Variants in CENPP observed in about 807,000 individuals in gnomAD.
The protein encoded by CENPP is centromere protein P.
CENPP carries 24 observed loss-of-function variants against 35.6 expected under a neutral mutation model. The observed-to-expected ratio is 0.67, with a 90% CI of 0.49 to 0.95. The LOEUF (loss-of-function observed/expected upper bound fraction) is 0.95. CENPP is among the 40% of genes least tolerant of loss of function. The pLI is 0.00. For missense variants in CENPP, 332 were observed against 345.3 expected (o/e 0.96, Z 0.31); for synonymous variants, 120 against 125.5 (o/e 0.96, Z 0.29).
chr9:92,379,678 A>T, intron 4 of CENPP, 85 bp from the exon 5 acceptor site: 4 of 1,049,598 alleles, frequency 3.8e-6, no homozygotes, highest in Non-Finnish European at 4.3e-6. Flanking sequence ...TTAGTGTAGG[A>T]TACATGAAAA....
intron 5 of CENPP, chr9:92,515,123 T>C: frequency 1.9e-6 from 3 of 1,613,734 alleles, no homozygotes; most frequent in Non-Finnish European, 2.5e-6. Flanking sequence ...AGTAAATTGG[T>C]AGGTTCTCTT....
intron 5 of CENPP, among the ~76,000 whole-genome samples, chr9:92,601,836 G>T (rs1029797688): frequency 6.6e-6 from 1 of 152,192 alleles, no homozygotes; most frequent in Non-Finnish European, 1.5e-5. Context: ...GGGAGAGCTC[G>T]TGCCTGCGTG....
chr9:92,337,328 A>G (rs1840962396), intron 2 of CENPP, among the ~76,000 whole-genome samples: 1 of 152,222 alleles, frequency 6.6e-6, no homozygotes, highest in Admixed American at 6.5e-5. Flanking sequence ...GGAAAAAAAA[A>G]AAAGAAAACT....
At chr9:92,587,479 G>A (rs185106530) in intron 5 of CENPP, among the ~76,000 whole-genome samples, 1 of 139,666 alleles carries the variant, frequency 7.2e-6, no homozygotes, top group East Asian at 2.1e-4. Flanking sequence ...TCAAAAAAAA[G>A]GGGGGGGACC....
At chr9:92,335,957 C>T (rs2130785557) in intron 2 of CENPP, among the ~76,000 whole-genome samples, 1 of 152,294 alleles carries the variant, frequency 6.6e-6, no homozygotes. Context: ...ATTGAATGTA[C>T]TGATCAAAGT....
intron 4 of CENPP, among the ~76,000 whole-genome samples, chr9:92,356,958 G>A (rs1302327493): frequency 6.6e-6 from 1 of 152,160 alleles, no homozygotes; most frequent in Non-Finnish European, 1.5e-5. Flanking sequence ...ATATTTATAT[G>A]TTGTGCACCC....
At chr9:92,470,201 A>G (rs898445339) in intron 5 of CENPP, among the ~76,000 whole-genome samples, 2 of 152,240 alleles carry the variant, frequency 1.3e-5, no homozygotes, top group African/African-American at 4.8e-5. Context: ...CAGTAAAGAA[A>G]AAATTCTTTT....
At chr9:92,517,844 T>C in intron 5 of CENPP, 1 of 1,614,188 alleles carries the variant, frequency 6.2e-7, no homozygotes, top group Non-Finnish European at 8.5e-7. Flanking sequence ...TGTACATGGT[T>C]ATGCCCTTTA....
intron 5 of CENPP, among the ~76,000 whole-genome samples, chr9:92,426,861 A>C (rs1021808465): frequency 6.6e-6 from 1 of 152,336 alleles, no homozygotes; most frequent in African/African-American, 2.4e-5. Flanking sequence ...CACATAGTAC[A>C]CACATAGACC....
At chr9:92,401,065 T>C in intron 5 of CENPP, 1 of 1,069,016 alleles carries the variant, frequency 9.4e-7, no homozygotes, top group Middle Eastern at 2.7e-4. Context: ...AAAAGATCCA[T>C]TTGAAAAATA....
chr9:92,452,665 G>C (rs1844747474), intron 5 of CENPP, among the ~76,000 whole-genome samples: 1 of 152,112 alleles, frequency 6.6e-6, no homozygotes, highest in Non-Finnish European at 1.5e-5. Context: ...AATAGTTTCA[G>C]AAGGAATGGT....
chr9:92,567,376 A>ATC (rs1850006953), intron 5 of CENPP, among the ~76,000 whole-genome samples: 1 of 83,518 alleles, frequency 1.2e-5, no homozygotes, highest in African/African-American at 7.3e-5. Flanking sequence ...TAAGATAGAT[A>ATC]TATATATATA....
intron 5 of CENPP, among the ~76,000 whole-genome samples, chr9:92,541,673 T>G (rs1849323186): frequency 6.6e-6 from 1 of 152,056 alleles, no homozygotes; most frequent in African/African-American, 2.4e-5. Context: ...TCCTTTCATA[T>G]ATACATTTTC....
At chr9:92,374,549 T>C (rs1408798120) in intron 4 of CENPP, among the ~76,000 whole-genome samples, 1 of 152,234 alleles carries the variant, frequency 6.6e-6, no homozygotes, top group Non-Finnish European at 1.5e-5. Flanking sequence ...AAATTAATAC[T>C]AAACTAGATT....
chr9:92,498,152 G>C (rs1846463958), intron 5 of CENPP, among the ~76,000 whole-genome samples: 1 of 152,232 alleles, frequency 6.6e-6, no homozygotes, highest in Non-Finnish European at 1.5e-5. Flanking sequence ...CTGCCCTTTT[G>C]TGTAATAATT....
chr9:92,560,759 A>G (rs970828964), intron 5 of CENPP, among the ~76,000 whole-genome samples: 1 of 151,528 alleles, frequency 6.6e-6, no homozygotes. Flanking sequence ...TTTATTCCTT[A>G]TTCTTATTCT....
At chr9:92,368,263 A>G (rs1201842337) in intron 4 of CENPP, among the ~76,000 whole-genome samples, 1 of 152,226 alleles carries the variant, frequency 6.6e-6, no homozygotes. Context: ...ATTATTTAAA[A>G]TATTGTATAA....
At chr9:92,515,159 C>A (rs964965019) in intron 5 of CENPP, 4 of 1,608,650 alleles carry the variant, frequency 2.5e-6, no homozygotes, top group Non-Finnish European at 2.5e-6. Flanking sequence ...CCAGAAAATT[C>A]ATTTCTATCA....
Position 92,335,915 on chromosome 9 carries a change from A to G in CENPP, c.290-1626A>G, listed in dbSNP as rs548469608. 3.9e-5 allele frequency among the ~76,000 whole-genome samples: 6 copies of G among 152,336 alleles called. No homozygotes were observed. The East Asian group carries it at 1.2e-3, about 29-fold the overall frequency. ...TGATAATCATTTTGTTGATATCCAG[A>G]AAGTAACTTGCTGGAATTTTGATTG... On this transcript the variant is annotated intron_variant, in intron 2 of 7. Transcript: ENST00000375587.
Sources: allele counts gnomAD v4.1 joint callset (sites outside exome capture counted in the v4.1 genomes callset), GRCh38; gene constraint gnomAD v4.1.1; transcripts MANE v1.5; gene names NCBI Gene and HGNC (gene_info 2026-07-23, HGNC 2026-07-21).